The following ATAT1 variants were observed in gnomAD, a reference collection of about 807,000 sequenced individuals.
ATAT1 encodes alpha-tubulin N-acetyltransferase 1.
A neutral mutation model predicts 57.2 loss-of-function variants in ATAT1; 42 were observed. The ratio of observed to expected loss-of-function variants is 0.73; its 90% CI spans 0.57 to 0.95. The LOEUF is 0.95. Ranked by LOEUF, ATAT1 falls within the 40% of genes least tolerant of loss-of-function variation. The pLI, the probability that ATAT1 is intolerant of heterozygous loss-of-function variation, is 0.00. For synonymous variants in ATAT1, 168 were observed against 187.1 expected, an observed-to-expected ratio of 0.90 and a Z score of 0.83; for missense variants, 454 against 523.7, an observed-to-expected ratio of 0.87 and a Z score of 1.30.
chr6:30,630,580 G>C (rs1434474113), intron 6 of ATAT1, among the ~76,000 whole-genome samples: 1 of 151,916 alleles, frequency 6.6e-6, no homozygotes, highest in Non-Finnish European at 1.5e-5. Context: ...AGGTTGCAGT[G>C]AACCAAGATT....
intron 6 of ATAT1, among the ~76,000 whole-genome samples, chr6:30,635,426 CA>C (rs1763854471): frequency 6.6e-6 from 1 of 151,692 alleles, no homozygotes; most frequent in Non-Finnish European, 1.5e-5. Flanking sequence ...CCCATCTCTA[CA>C]AAAAATACAA....
At chr6:30,631,775 T>C (rs1302248312) in intron 6 of ATAT1, among the ~76,000 whole-genome samples, 2 of 150,772 alleles carry the variant, frequency 1.3e-5, no homozygotes, top group African/African-American at 2.5e-5. Context: ...TGAGACTGTC[T>C]CAAAACAAAC....
At position 30,646,588 on chromosome 6, in the gene ATAT1, T is replaced by G; in HGVS notation, c.1175T>G (p.Leu392Arg). The change falls in exon 13 of 13, where the codon CTC (leucine) becomes CGC (arginine). Residue 392 changes from leucine (L) to arginine (R), a missense_variant. This residue lies in a region of ATAT1 where 216 missense variants were observed against 222.2 expected (regional missense o/e 0.97). Transcript: ENST00000330083. Reference sequence around the variant, plus strand: ...TCCTGGACAGTGGGTGGGGACATACTCAACGCCAGGTTCATTCGAAACCTG... The same window carrying G: ...TCCTGGACAGTGGGTGGGGACATACGCAACGCCAGGTTCATTCGAAACCTG... The G allele has an allele frequency of 1.3e-6, 2 of 1,578,310 alleles. No individual in the cohort carries two copies. The highest frequency in any genetic ancestry group is 1.7e-6 in the Non-Finnish European group (2 of 1,162,454).
chr6:30,643,012 G>C lies in ATAT1; in HGVS notation c.932+1G>C, dbSNP rs1323087705. On this transcript the variant is annotated splice_donor_variant, in intron 10 of 12. Coordinates refer to ENST00000330083, the MANE Select transcript of ATAT1 (RefSeq NM_001031722.4). LOFTEE classifies it high-confidence loss of function. ...GCCCAGCTCAACGTCGTCGCACCAG[G>C]TAATAGGAGTTGAAGGGCTAAGGAG... is the stretch of plus-strand genomic sequence containing the variant. 1 of 1,609,238 alleles carries C rather than the reference G, an allele frequency of 6.2e-7. No homozygotes were observed. Among genetic ancestry groups the C allele is most frequent in the East Asian group, 2.2e-5 (1 of 44,770 alleles).
In ATAT1 at chr6:30,627,850, G is replaced by A. The variant is rs778746305; in HGVS notation, c.225-1G>A. The A allele has an allele frequency of 1.9e-6, 3 of 1,612,950 alleles. No individual in the cohort carries two copies. The South Asian group carries it at 3.3e-5, about 18-fold the overall frequency. ...TGTTCATTATTTTCCCCGTCCTACA[G>A]GGCTGGAAAAGGAGCCATTATTGGT... On this transcript the variant is annotated splice_acceptor_variant, in intron 3 of 12. Transcript: ENST00000330083. LOFTEE classifies it high-confidence loss of function.
At chr6:30,628,641 G>A (rs1175162691) in intron 6 of ATAT1, among the ~76,000 whole-genome samples, 2 of 151,236 alleles carry the variant, frequency 1.3e-5, no homozygotes, top group Non-Finnish European at 2.9e-5. Flanking sequence ...GTCTCGCCAT[G>A]CTGCCCAGGC....
chr6:30,642,706 G>A (rs1253942332), intron 9 of ATAT1, 62 bp from the exon 10 acceptor site: 2 of 1,085,616 alleles, frequency 1.8e-6, no homozygotes, highest in South Asian at 2.5e-5. Flanking sequence ...AACCTTTGCT[G>A]TCATGACTCT....
Position 30,642,832 on chromosome 6 carries a change from A to ACCCCCCCCCCCCCCCCCCCCCCCCC in ATAT1, c.753_754insCCCCCCCCCCCCCCCCCCCCCCCCC (p.Ala252ProfsTer56). The ACCCCCCCCCCCCCCCCCCCCCCCCC allele has an allele frequency of 8.1e-7, 1 of 1,230,750 alleles. No individual in the cohort carries two copies. Among genetic ancestry groups the ACCCCCCCCCCCCCCCCCCCCCCCCC allele is most frequent in the Non-Finnish European group, 1.1e-6 (1 of 892,690 alleles). The allele number at this position is 1,230,750 out of a possible 1,614,324, so 76.2% of individuals were successfully genotyped here. A position where few individuals can be genotyped will look rare whatever the true frequency, so the allele number is the denominator to read the frequency against. ...GGGCCCCTCGCCGCGCCACACCTCC[A>ACCCCCCCCCCCCCCCCCCCCCCCCC]GCCCACCCACCCCCCCGCTCCAGCA... On this transcript the variant is annotated frameshift_variant, in exon 10 of 13. Coordinates refer to ENST00000330083, the MANE Select transcript of ATAT1 (RefSeq NM_001031722.4). LOFTEE classifies it high-confidence loss of function.
Position 30,642,830 on chromosome 6 carries a change from C to CCCGGGGG in ATAT1, c.752_753insCGGGGGC (p.Ala252GlyfsTer50). On this transcript the variant is annotated frameshift_variant, in exon 10 of 13. Transcript: ENST00000330083. LOFTEE classifies it high-confidence loss of function. ...CAGGGCCCCTCGCCGCGCCACACCT[C>CCCGGGGG]CAGCCCACCCACCCCCCCGCTCCAG... 6.3e-7 allele frequency: 1 copy of CCCGGGGG among 1,595,546 alleles called. No homozygotes were observed. Among genetic ancestry groups the CCCGGGGG allele is most frequent in the Non-Finnish European group, 8.5e-7 (1 of 1,171,958 alleles).
intron 6 of ATAT1, among the ~76,000 whole-genome samples, chr6:30,631,474 C>CA (rs1389302074): frequency 1.4e-3 from 200 of 147,662 alleles, no homozygotes; most frequent in African/African-American, 4.4e-3. Context: ...GACTCCATCT[C>CA]AAAAAAAAAG....
chr6:30,641,677 G>T, intron 8 of ATAT1: 2 of 596,068 alleles, frequency 3.4e-6, no homozygotes, highest in Non-Finnish European at 4.2e-6. Context: ...TAAAACTTCA[G>T]TCTCTTCCCA....
intron 6 of ATAT1, among the ~76,000 whole-genome samples, chr6:30,632,149 C>T (rs902320422): frequency 6.6e-6 from 1 of 151,452 alleles, no homozygotes; most frequent in African/African-American, 2.4e-5. Context: ...TGCCTGTAAT[C>T]CCAGCTGTTT....
chr6:30,628,505 G>T, intron 6 of ATAT1, 75 bp downstream of exon 6: 1 of 1,236,956 alleles, frequency 8.1e-7, no homozygotes, highest in East Asian at 2.5e-5. Context: ...CAAAGAAGTA[G>T]TGACTTATTT....
intron 10 of ATAT1, chr6:30,643,436 C>G: frequency 6.5e-7 from 1 of 1,534,576 alleles, no homozygotes; most frequent in Non-Finnish European, 8.8e-7. Flanking sequence ...ATTTCTCTCC[C>G]TTTCTCTTCA....
In ATAT1 at chr6:30,636,311, G is replaced by A. The variant is rs574565924; in HGVS notation, c.502-4066G>A. ...TATTAAACCACCTTTCAGGCCAGGC[G>A]TGGTGGCTCACACCTGTAATCCCAG... On this transcript the variant is annotated intron_variant, in intron 6 of 12. Coordinates refer to ENST00000330083, the MANE Select transcript of ATAT1 (RefSeq NM_001031722.4). 5.9e-4 allele frequency among the ~76,000 whole-genome samples: 90 copies of A among 152,212 alleles called. 1 individual carries two copies. The highest frequency in any genetic ancestry group is 2.0e-3 in the African/African-American group (84 of 41,548).
rs374437618 is a variant in ATAT1, at chr6:30,632,832, G to T, written c.501+4402G>T. On this transcript the variant is annotated intron_variant, in intron 6 of 12. Transcript: ENST00000330083. The stretch of plus-strand genomic sequence containing the variant: ...CTCGCCTGTAATCCCAGCTACTCGG[G>T]AGACTGAGGCAGGGGAATTGCTTGA... Among the ~76,000 whole-genome samples the T allele has an allele frequency of 5.5e-4, 84 of 151,998 alleles. 2 individuals are homozygous for T. In the South Asian group the frequency reaches 0.016, roughly 29 times the overall value.
intron 9 of ATAT1, among the ~76,000 whole-genome samples, chr6:30,642,459 A>G (rs1403639901): frequency 6.6e-6 from 1 of 152,058 alleles, no homozygotes; most frequent in Non-Finnish European, 1.5e-5. Context: ...CCTGGCCAAC[A>G]TGGTGAAACC....
intron 10 of ATAT1, 185 bp downstream of exon 10, chr6:30,643,196 G>GA: frequency 1.4e-6 from 2 of 1,442,736 alleles, no homozygotes; most frequent in South Asian, 3.0e-5. Flanking sequence ...TGAAGGAGCA[G>GA]AATAGGACCT....
chr6:30,641,850 C>T (rs752861717), intron 8 of ATAT1: 81 of 1,139,242 alleles, frequency 7.1e-5, no homozygotes, highest in Non-Finnish European at 8.7e-5. Flanking sequence ...TACCAGGGGG[C>T]CATGACAGCA....
Sources: allele counts gnomAD v4.1 joint callset (sites outside exome capture counted in the v4.1 genomes callset), GRCh38; gene constraint gnomAD v4.1.1; regional missense constraint gnomAD v4.1.1; transcripts MANE v1.5; gene names NCBI Gene and HGNC (gene_info 2026-07-23, HGNC 2026-07-21).